RUNX1: variants seen among roughly 807,000 people sequenced by gnomAD.
The protein encoded by RUNX1 is runt-related transcription factor 1.
A neutral mutation model predicts 42.8 loss-of-function variants in RUNX1; 19 were observed. The observed-to-expected ratio is 0.44, with a 90% CI of 0.31 to 0.65. RUNX1 has a LOEUF of 0.65. RUNX1 is among the 30% of genes least tolerant of loss of function. The pLI is 0.07. For synonymous variants in RUNX1, 271 were observed against 289.4 expected, an observed-to-expected ratio of 0.94 and a Z score of 0.64; for missense variants, 528 against 672.0, an observed-to-expected ratio of 0.79 and a Z score of 2.37.
chr21:34,792,024 TG>T lies in RUNX1; in HGVS notation c.*110del. 1 of 660,478 alleles carries T rather than the reference TG, an allele frequency of 1.5e-6. No individual in the cohort carries two copies. Among genetic ancestry groups the T allele is most frequent in the Non-Finnish European group, 2.3e-6 (1 of 436,326 alleles). The allele number at this position is 660,478 out of a possible 1,614,324, so 40.9% of individuals were successfully genotyped here. A position where few individuals can be genotyped will look rare whatever the true frequency, so the allele number is the denominator to read the frequency against. The stretch of plus-strand genomic sequence containing the variant: ...TCGGGCGCCCTCGGCCCCAGGACGG[TG>T]GCCGGGCCCAGGGCCCGGGATCCCG... On this transcript the variant is annotated 3_prime_UTR_variant, in exon 9 of 9. Coordinates refer to ENST00000675419, the MANE Select transcript of RUNX1 (RefSeq NM_001754.5). The surrounding 1 kb of genome is among the most constrained non-coding windows in gnomAD (Gnocchi z 6.9).
chr21:34,863,704 A>C (rs761004903), intron 5 of RUNX1, among the ~76,000 whole-genome samples: 2 of 151,660 alleles, frequency 1.3e-5, no homozygotes, highest in East Asian at 3.9e-4. Flanking sequence ...ACATGTGCAT[A>C]CCACCACACC....
intron 6 of RUNX1, among the ~76,000 whole-genome samples, chr21:34,850,667 G>A (rs574618118): frequency 2.6e-5 from 4 of 152,200 alleles, no homozygotes; most frequent in Admixed American, 1.3e-4. Context: ...CATTTCACCC[G>A]TTAGTGACTT....
At chr21:34,883,932 C>CA (rs1485683534) in intron 4 of RUNX1, among the ~76,000 whole-genome samples, 5 of 152,170 alleles carry the variant, frequency 3.3e-5, no homozygotes, top group Admixed American at 6.5e-5. Flanking sequence ...ATCTTGCCGA[C>CA]AAAAATATTA....
At chr21:34,944,239 G>T (rs1262909341) in intron 2 of RUNX1, among the ~76,000 whole-genome samples, 1 of 152,132 alleles carries the variant, frequency 6.6e-6, no homozygotes, top group East Asian at 1.9e-4. Context: ...CGAACTCCTG[G>T]ACTCAAGCAG....
chr21:34,876,470 C>T (rs1569075925), intron 5 of RUNX1, among the ~76,000 whole-genome samples: 1 of 152,164 alleles, frequency 6.6e-6, no homozygotes, highest in Admixed American at 6.5e-5. Flanking sequence ...AAATTTTTGG[C>T]CTAGGGTCTG....
At chr21:34,969,595 A>G (rs957325697) in intron 2 of RUNX1, among the ~76,000 whole-genome samples, 1 of 152,190 alleles carries the variant, frequency 6.6e-6, no homozygotes, top group Non-Finnish European at 1.5e-5. Context: ...TACTTCTGCC[A>G]GGAGACCATA....
At chr21:34,903,143 A>G (rs1044905368) in intron 2 of RUNX1, among the ~76,000 whole-genome samples, 19 of 152,176 alleles carry the variant, frequency 1.2e-4, no homozygotes, top group Non-Finnish European at 2.5e-4. Flanking sequence ...CGTATTCTAT[A>G]ATTTACATGG....
chr21:34,994,939 C>T (rs1301154085), intron 2 of RUNX1, among the ~76,000 whole-genome samples: 2 of 152,208 alleles, frequency 1.3e-5, no homozygotes, highest in African/African-American at 4.8e-5. Flanking sequence ...TGGCTGGAAC[C>T]GCAACGCCAT....
At chr21:34,927,332 G>A (rs1345608029) in intron 2 of RUNX1, among the ~76,000 whole-genome samples, 1 of 152,200 alleles carries the variant, frequency 6.6e-6, no homozygotes, top group Non-Finnish European at 1.5e-5. Flanking sequence ...CCACATGTGT[G>A]ATTTCTCTGG....
chr21:34,798,157 C>T, intron 8 of RUNX1: 11 of 456,564 alleles, frequency 2.4e-5, no homozygotes, highest in South Asian at 1.7e-4. Context: ...CCTGTGCCTG[C>T]CCCCTAATCT....
intron 7 of RUNX1, among the ~76,000 whole-genome samples, chr21:34,811,849 C>T (rs991492393): frequency 2.6e-5 from 4 of 152,054 alleles, no homozygotes; most frequent in African/African-American, 7.2e-5. Context: ...GTCCTGCAGA[C>T]CCACCCGCTC....
chr21:34,928,865 C>T (rs924650446), intron 2 of RUNX1, among the ~76,000 whole-genome samples: 8 of 150,412 alleles, frequency 5.3e-5, no homozygotes, highest in African/African-American at 2.0e-4. Flanking sequence ...TTGCCAAGCT[C>T]ATTAAAAAAG....
At chr21:35,025,634 C>T (rs190181883) in intron 2 of RUNX1, among the ~76,000 whole-genome samples, 69 of 152,170 alleles carry the variant, frequency 4.5e-4, no homozygotes, top group Non-Finnish European at 7.9e-4. Flanking sequence ...CCAAAATATA[C>T]GGGTCTCTAT....
Position 34,880,507 on chromosome 21 carries a change from G to T in RUNX1, c.508+50C>A, listed in dbSNP as rs1202899692. On this transcript the variant is annotated intron_variant, in intron 5 of 8. Coordinates refer to ENST00000675419, the MANE Select transcript of RUNX1 (RefSeq NM_001754.5). The stretch of plus-strand genomic sequence containing the variant: ...AAATCACTAGAATTTTGAAATGTGG[G>T]TTTGTTGCCATGAAACGTGTTTCAA... 6 of 1,589,846 alleles carry T rather than the reference G, an allele frequency of 3.8e-6. No individual in the cohort carries two copies. In the East Asian group the frequency reaches 8.9e-5, roughly 24 times the overall value.
intron 2 of RUNX1, among the ~76,000 whole-genome samples, chr21:34,923,380 A>G (rs2058368818): frequency 6.6e-6 from 1 of 152,192 alleles, no homozygotes; most frequent in Non-Finnish European, 1.5e-5. Context: ...TTTGTGAAGA[A>G]ACTGAATAGT....
chr21:34,826,704 C>T (rs2056993810), intron 7 of RUNX1, among the ~76,000 whole-genome samples: 2 of 152,048 alleles, frequency 1.3e-5, no homozygotes, highest in African/African-American at 2.4e-5. Context: ...CTTGGCCTCC[C>T]AAAGTGGTGG....
In RUNX1 at chr21:34,788,091, G is replaced by A. The variant is rs2056390529; in HGVS notation, c.*4044C>T. ...TATTCTCTCATGTCATCTGGCTGAA[G>A]ACACCAGCTTGACAGTTCCCCTTTA... On this transcript the variant is annotated 3_prime_UTR_variant, in exon 9 of 9. Coordinates refer to ENST00000675419, the MANE Select transcript of RUNX1 (RefSeq NM_001754.5). 1 of 233,200 alleles carries A rather than the reference G, an allele frequency of 4.3e-6. No homozygotes were observed. Among genetic ancestry groups the A allele is most frequent in the African/African-American group, 2.2e-5 (1 of 45,340 alleles). 14.4% of individuals were successfully genotyped at this position (233,200 alleles called of 1,614,324 possible). A position where few individuals can be genotyped will look rare whatever the true frequency, so the allele number is the denominator to read the frequency against.
At chr21:35,003,545 C>T (rs1272844153) in intron 2 of RUNX1, among the ~76,000 whole-genome samples, 1 of 151,674 alleles carries the variant, frequency 6.6e-6, no homozygotes, top group African/African-American at 2.4e-5. Flanking sequence ...AAAAAGATGA[C>T]TCAACCATGT....
chr21:34,920,881 C>T (rs2058348724), intron 2 of RUNX1, among the ~76,000 whole-genome samples: 1 of 152,044 alleles, frequency 6.6e-6, no homozygotes, highest in African/African-American at 2.4e-5. Context: ...GTTTTTGAGA[C>T]TGAGTCTCAC....
Sources: gnomAD v4.1 joint callset for allele counts (sites outside exome capture counted in the v4.1 genomes callset) on GRCh38, gnomAD v4.1.1 for gene constraint, Gnocchi (gnomAD v3.1) non-coding constraint, MANE v1.5 for transcripts, NCBI Gene and HGNC (gene_info 2026-07-23, HGNC 2026-07-21) for gene names.